Variants in RGS6 observed in about 807,000 individuals in gnomAD.
The protein encoded by RGS6 is regulator of G protein signaling 6, also known as regulator of G-protein signaling 6.
Under a neutral mutation model 78.5 loss-of-function variants are expected in RGS6, and 30 were observed. The ratio of observed to expected loss-of-function variants is 0.38; its 90% CI spans 0.29 to 0.52. The LOEUF is 0.52. Among genes scored for constraint, RGS6 ranks in the 20% least tolerant of loss-of-function variants. The pLI, the probability that RGS6 is intolerant of heterozygous loss-of-function variation, is 0.85. For missense variants in RGS6, 495 were observed against 609.7 expected, an observed-to-expected ratio of 0.81 and a Z score of 1.98; for synonymous variants, 206 against 206.0, an observed-to-expected ratio of 1.00 and a Z score of 0.00.
intron 2 of RGS6, among the ~76,000 whole-genome samples, chr14:72,273,501 A>T (rs752791155): frequency 2.0e-5 from 3 of 152,160 alleles, no homozygotes; most frequent in Non-Finnish European, 4.4e-5. Context: ...TATACATAGG[A>T]AATAAACGAC....
intron 2 of RGS6, among the ~76,000 whole-genome samples, chr14:72,235,828 G>A (rs549471958): frequency 6.6e-6 from 1 of 152,236 alleles, no homozygotes; most frequent in East Asian, 1.9e-4. Flanking sequence ...TATCAAATAA[G>A]GCTTTAACAT....
At chr14:72,193,330 G>A (rs12590752) in intron 2 of RGS6, among the ~76,000 whole-genome samples, 29,070 of 152,116 alleles carry the variant, frequency 0.19, 2,960 homozygotes, top group African/African-American at 0.26. Context: ...CCACTGGGGT[G>A]AAAGGACAGG....
At chr14:72,011,206 C>A (rs2085627373) in intron 2 of RGS6, among the ~76,000 whole-genome samples, 1 of 152,158 alleles carries the variant, frequency 6.6e-6, no homozygotes, top group African/African-American at 2.4e-5. Context: ...TAGAAGCTCT[C>A]TCATTTATCT....
At chr14:72,210,605 G>C (rs994558824) in intron 2 of RGS6, among the ~76,000 whole-genome samples, 2 of 152,194 alleles carry the variant, frequency 1.3e-5, no homozygotes, top group African/African-American at 4.8e-5. Context: ...TGTTTGCGGG[G>C]ATGGGAGGTA....
At chr14:72,346,473 G>T (rs2152708487) in intron 2 of RGS6, among the ~76,000 whole-genome samples, 1 of 152,188 alleles carries the variant, frequency 6.6e-6, no homozygotes, top group South Asian at 2.1e-4. Flanking sequence ...CCCCAGTTTT[G>T]CCCAACATGC....
intron 2 of RGS6, among the ~76,000 whole-genome samples, chr14:72,021,895 C>T (rs1473791160): frequency 1.3e-5 from 2 of 151,898 alleles, no homozygotes; most frequent in East Asian, 1.9e-4. Context: ...AAGCCTAGTA[C>T]CCAATAATTA....
At chr14:72,587,017 C>T in the RGS6 span, among the ~76,000 whole-genome samples, 1 of 152,114 alleles carries the variant, frequency 6.6e-6, no homozygotes, top group South Asian at 2.1e-4. Flanking sequence ...AATCATCATA[C>T]CAGGGCAACA....
intron 7 of RGS6, among the ~76,000 whole-genome samples, chr14:72,468,871 G>A (rs1302720856): frequency 6.6e-6 from 1 of 152,184 alleles, no homozygotes; most frequent in East Asian, 1.9e-4. Flanking sequence ...AAGCCTGGGT[G>A]ATAACTGTGA....
chr14:72,270,598 G>A (rs543349760), intron 2 of RGS6, among the ~76,000 whole-genome samples: 1 of 152,342 alleles, frequency 6.6e-6, no homozygotes, highest in South Asian at 2.1e-4. Flanking sequence ...TTCAGAGAAA[G>A]AGAATAAATT....
chr14:71,931,602 G>A (rs117574428), upstream of RGS6, among the ~76,000 whole-genome samples: 88 of 152,156 alleles, frequency 5.8e-4, no homozygotes, highest in East Asian at 0.016. Context: ...CTACAATTCA[G>A]GACTAAATCT....
chr14:72,047,285 A>G (rs1033738080), intron 2 of RGS6, among the ~76,000 whole-genome samples: 5 of 152,226 alleles, frequency 3.3e-5, no homozygotes, highest in African/African-American at 1.2e-4. Flanking sequence ...TGGAAAGAAT[A>G]ATAGAAATGG....
chr14:72,418,212 G>A (rs2093959417), intron 3 of RGS6, among the ~76,000 whole-genome samples: 1 of 151,838 alleles, frequency 6.6e-6, no homozygotes, highest in Admixed American at 6.6e-5. Flanking sequence ...TGTTGCCCAG[G>A]TTGGAGTACA....
chr14:72,403,188 A>G (rs1413844185), intron 3 of RGS6, among the ~76,000 whole-genome samples: 1 of 152,226 alleles, frequency 6.6e-6, no homozygotes, highest in Non-Finnish European at 1.5e-5. Flanking sequence ...TCGCTAAGAT[A>G]TTGAATCAAC....
At chr14:71,957,001 G>A (rs2092838390) in intron 1 of RGS6, among the ~76,000 whole-genome samples, 1 of 152,214 alleles carries the variant, frequency 6.6e-6, no homozygotes, top group African/African-American at 2.4e-5. Flanking sequence ...CTGAACAGAG[G>A]AAGGGTGGAC....
At chr14:72,520,603 A>T (rs763997455) in intron 15 of RGS6, among the ~76,000 whole-genome samples, 5 of 152,244 alleles carry the variant, frequency 3.3e-5, no homozygotes, top group Admixed American at 1.3e-4. Flanking sequence ...TCCCTCCACC[A>T]CTATGGTATT....
intron 2 of RGS6, among the ~76,000 whole-genome samples, chr14:72,312,228 T>G (rs953090323): frequency 1.8e-4 from 8 of 44,664 alleles, no homozygotes; most frequent in Admixed American, 2.7e-4. Context: ...AGAAATTGTT[T>G]TTTTTTTTTT....
chr14:72,268,017 A>G (rs1347282582), intron 2 of RGS6, among the ~76,000 whole-genome samples: 3 of 152,214 alleles, frequency 2.0e-5, no homozygotes, highest in Non-Finnish European at 4.4e-5. Flanking sequence ...GATGTACTGG[A>G]AGGATCTGAC....
At chr14:72,149,852 A>G (rs75199521) in intron 2 of RGS6, among the ~76,000 whole-genome samples, 1,647 of 152,306 alleles carry the variant, frequency 0.011, 27 homozygotes, top group African/African-American at 0.038. Context: ...AGTCAAAAAC[A>G]TGAGTCAAAA....
intron 17 of RGS6, chr14:72,541,211 C>T (rs2153511780): frequency 1.4e-6 from 2 of 1,408,090 alleles, no homozygotes; most frequent in East Asian, 3.4e-5. Context: ...GAGGAAAATC[C>T]TTGTAAAACC....
Sources: allele counts gnomAD v4.1 joint callset (sites outside exome capture counted in the v4.1 genomes callset), GRCh38; gene constraint gnomAD v4.1.1; transcripts MANE v1.5; gene names NCBI Gene and HGNC (gene_info 2026-07-23, HGNC 2026-07-21).